Variants in KIAA0513 observed in about 807,000 individuals in gnomAD.
KIAA0513 encodes KIAA0513.
In KIAA0513, 39 loss-of-function variants were observed where a neutral mutation model predicts 56.5. The observed-to-expected ratio is 0.69, with a 90% CI of 0.53 to 0.90. The LOEUF (loss-of-function observed/expected upper bound fraction) is 0.90, where lower values mean the gene tolerates loss of function less well. Ranked by LOEUF, KIAA0513 falls within the 40% of genes least tolerant of loss-of-function variation. KIAA0513 has a pLI of 0.00. For synonymous variants in KIAA0513, 268 were observed against 215.6 expected, an observed-to-expected ratio of 1.24 and a Z score of -2.13; for missense variants, 591 against 535.2, an observed-to-expected ratio of 1.10 and a Z score of -1.03.
At position 85,089,299 on chromosome 16, in the gene KIAA0513, AGATCTGTGCAACGT is replaced by A. The variant is rs1436043200; in HGVS notation, c.*976_*989del. 12 of 152,370 alleles carry A rather than the reference AGATCTGTGCAACGT, an allele frequency of 7.9e-5. No homozygotes were observed. Among genetic ancestry groups the A allele is most frequent in the Admixed American group, 7.8e-4 (12 of 15,288 alleles). 9.4% of individuals were successfully genotyped at this position (152,370 alleles called of 1,614,324 possible). On this transcript the variant is annotated 3_prime_UTR_variant, in exon 13 of 13. Coordinates refer to ENST00000683363, the MANE Select transcript of KIAA0513 (RefSeq NM_001388359.1). This position sits in a 1 kb window ranked among gnomAD's most constrained non-coding sequence, Gnocchi z 4.2. ...GGAGTGACAGTGGCTGGAGAGAAGC[AGATCTGTGCAACGT>A]GCAGGGCAAGCCAGTGGCGTGGCCT...
At chr16:85,050,176 C>T (rs2073230573) in intron 1 of KIAA0513, among the ~76,000 whole-genome samples, 1 of 152,006 alleles carries the variant, frequency 6.6e-6, no homozygotes, top group Non-Finnish European at 1.5e-5. Context: ...GCCCTCGACT[C>T]AGGAATTACC....
intron 1 of KIAA0513, among the ~76,000 whole-genome samples, chr16:85,064,151 G>A (rs539967854): frequency 1.4e-4 from 21 of 151,846 alleles, no homozygotes; most frequent in African/African-American, 3.9e-4. Flanking sequence ...GATTACAGGC[G>A]TGCGCCACCA....
rs1241027941 is a variant in KIAA0513, at chr16:85,076,421, A to T, written c.574+507A>T. 6.6e-6 allele frequency among the ~76,000 whole-genome samples: 1 copy of T among 152,154 alleles called. No individual in the cohort carries two copies. The highest frequency in any genetic ancestry group is 2.4e-5 in the African/African-American group (1 of 41,430). On this transcript the variant is annotated intron_variant, in intron 5 of 12. Transcript: ENST00000683363. This position sits in a 1 kb window ranked among gnomAD's most constrained non-coding sequence, Gnocchi z 4.7. The stretch of plus-strand genomic sequence containing the variant: ...GAGGCTAGGACATCTCTTCCGCCTC[A>T]TTGCGTTGGCACTTTCTCGTATGTT...
At chr16:85,053,620 A>G (rs574525391) in intron 1 of KIAA0513, among the ~76,000 whole-genome samples, 4 of 152,302 alleles carry the variant, frequency 2.6e-5, no homozygotes, top group South Asian at 2.1e-4. Flanking sequence ...TCTTTATTTT[A>G]TACATTACTA....
chr16:85,030,688 G>A (rs113898739), intron 1 of KIAA0513, among the ~76,000 whole-genome samples: 9,211 of 151,406 alleles, frequency 0.061, 298 homozygotes, highest in East Asian at 0.073. Flanking sequence ...AGGTTGCAGT[G>A]AGCCTAGATC....
intron 1 of KIAA0513, among the ~76,000 whole-genome samples, chr16:85,057,835 C>G (rs1235875560): frequency 6.6e-6 from 1 of 151,794 alleles, no homozygotes; most frequent in South Asian, 2.1e-4. Context: ...CTCTTTCAAG[C>G]CAGCACCTGT....
chr16:85,077,445 C>A lies in KIAA0513; in HGVS notation c.595C>A (p.Pro199Thr), dbSNP rs1456021863. 6.2e-7 allele frequency: 1 copy of A among 1,614,158 alleles called. No homozygotes were observed. The highest frequency in any genetic ancestry group is 8.5e-7 in the Non-Finnish European group (1 of 1,180,026). ...YHIGKPQLLP[P>T]ESREKPAGSI... Reference sequence around the variant, plus strand: ...CCAAGGAAAACCACAGCTGCTGCCCCCGGAGTCCCGGGAGAAGCCCGCGGG... The same window carrying A: ...CCAAGGAAAACCACAGCTGCTGCCCACGGAGTCCCGGGAGAAGCCCGCGGG... The change falls in exon 6 of 13, where the codon CCG (proline) becomes ACG (threonine). Residue 199 changes from proline (P) to threonine (T), a missense_variant. Transcript: ENST00000683363.
intron 1 of KIAA0513, among the ~76,000 whole-genome samples, chr16:85,052,356 C>T (rs1188854271): frequency 6.6e-6 from 1 of 151,672 alleles, no homozygotes; most frequent in East Asian, 1.9e-4. Context: ...ATAGCAACAA[C>T]AAAAAGCTAG....
Position 85,071,780 on chromosome 16 carries a change from TAGGGAGGA to T in KIAA0513, c.330-2_335del. 9 of 1,567,876 alleles carry T rather than the reference TAGGGAGGA, an allele frequency of 5.7e-6. No homozygotes were observed. Among genetic ancestry groups the T allele is most frequent in the South Asian group, 3.6e-5 (3 of 84,356 alleles). ...TTCCTCTGCTCTTTTTTTTTTTTTT[TAGGGAGGA>T]CTTGGATCAGGAGGAGAAAGCCAAG... On this transcript the variant is annotated splice_acceptor_variant and coding_sequence_variant, in exon 3 of 13. Coordinates refer to ENST00000683363, the MANE Select transcript of KIAA0513 (RefSeq NM_001388359.1).
chr16:85,048,768 A>C (rs1532638), intron 1 of KIAA0513, among the ~76,000 whole-genome samples: 61,563 of 152,002 alleles, frequency 0.41, 14,020 homozygotes, highest in African/African-American at 0.62. Context: ...GATGATAATA[A>C]TACTAATCAA....
chr16:85,038,534 C>T (rs1236440553), intron 1 of KIAA0513, among the ~76,000 whole-genome samples: 2 of 151,896 alleles, frequency 1.3e-5, no homozygotes, highest in Non-Finnish European at 2.9e-5. Flanking sequence ...CAGTGAAACT[C>T]CATGTCTACT....
intron 1 of KIAA0513, among the ~76,000 whole-genome samples, chr16:85,040,461 T>C (rs541994908): frequency 4.6e-5 from 7 of 151,744 alleles, no homozygotes; most frequent in Non-Finnish European, 8.8e-5. Context: ...ACCTGGGAGG[T>C]GGAGGTTGCG....
intron 1 of KIAA0513, among the ~76,000 whole-genome samples, chr16:85,033,997 C>G (rs554610629): frequency 1.3e-5 from 2 of 152,122 alleles, no homozygotes; most frequent in African/African-American, 4.8e-5. Flanking sequence ...ACCCCGTGGG[C>G]CATGCTCGCC....
At position 85,055,552 on chromosome 16, in the gene KIAA0513, A is replaced by C. The variant is rs1052140385; in HGVS notation, c.-172-11348A>C. On this transcript the variant is annotated intron_variant, in intron 1 of 12. Coordinates refer to ENST00000683363, the MANE Select transcript of KIAA0513 (RefSeq NM_001388359.1). ...TGATCTCTGAGTCTGTAACAAACAC[A>C]CACAAACAACTGCAGGGCTTAGTCT... Among the ~76,000 whole-genome samples, 4 of 152,284 alleles carry C rather than the reference A, an allele frequency of 2.6e-5. No individual in the cohort carries two copies. The South Asian group carries it at 8.3e-4, about 32-fold the overall frequency.
intron 12 of KIAA0513, 77 bp downstream of exon 12, chr16:85,087,243 C>T: frequency 1.7e-6 from 2 of 1,162,650 alleles, no homozygotes; most frequent in Non-Finnish European, 2.6e-6. Context: ...GCTGGCGCTT[C>T]TGCACTGCCA....
At chr16:85,068,003 G>A (rs1011873090) in intron 2 of KIAA0513, among the ~76,000 whole-genome samples, 4 of 150,932 alleles carry the variant, frequency 2.7e-5, no homozygotes, top group African/African-American at 9.7e-5. Context: ...TAGAGACAGG[G>A]TTTCACCATG....
chr16:85,056,137 G>C (rs1428419831), intron 1 of KIAA0513, among the ~76,000 whole-genome samples: 1 of 152,270 alleles, frequency 6.6e-6, no homozygotes, highest in Non-Finnish European at 1.5e-5. Flanking sequence ...CAGGCACCTT[G>C]AACTCAGGAT....
At chr16:85,040,923 C>A (rs1423141027) in intron 1 of KIAA0513, among the ~76,000 whole-genome samples, 3 of 152,210 alleles carry the variant, frequency 2.0e-5, no homozygotes, top group Non-Finnish European at 4.4e-5. Flanking sequence ...AAACCTCTTT[C>A]TTTTCGCTCA....
At chr16:85,028,347 G>C (rs2072917466) in intron 1 of KIAA0513, among the ~76,000 whole-genome samples, 2 of 152,290 alleles carry the variant, frequency 1.3e-5, no homozygotes, top group South Asian at 4.1e-4. Context: ...TGTGTGCGGG[G>C]TGTGAAGTTG....
Sources: gnomAD v4.1 joint callset for allele counts (sites outside exome capture counted in the v4.1 genomes callset) on GRCh38, gnomAD v4.1.1 for gene constraint, Gnocchi (gnomAD v3.1) non-coding constraint, MANE v1.5 for transcripts, NCBI Gene and HGNC (gene_info 2026-07-23, HGNC 2026-07-21) for gene names.